SH3GL2: variants seen among roughly 807,000 people sequenced by gnomAD.
SH3GL2 encodes endophilin-A1.
In SH3GL2, 24 loss-of-function variants were observed where a neutral mutation model predicts 46.0. That is an observed-to-expected ratio of 0.52 (90% CI 0.38 to 0.73). The LOEUF is 0.73. Ranked by LOEUF, SH3GL2 falls within the 30% of genes least tolerant of loss-of-function variation. The pLI is 0.00. For missense variants in SH3GL2, 413 were observed against 424.2 expected (o/e 0.97, Z 0.23); for synonymous variants, 196 against 147.1 (o/e 1.33, Z -2.40).
intron 3 of SH3GL2, among the ~76,000 whole-genome samples, chr9:17,774,625 G>A (rs1438501519): frequency 1.3e-5 from 2 of 151,704 alleles, no homozygotes; most frequent in African/African-American, 4.8e-5. Flanking sequence ...CCATATGCTT[G>A]TATTTCAGGA....
intron 1 of SH3GL2, among the ~76,000 whole-genome samples, chr9:17,690,584 G>A (rs555170854): frequency 1.6e-4 from 25 of 152,212 alleles, no homozygotes; most frequent in Admixed American, 4.6e-4. Context: ...GGCCAGCTAA[G>A]CCCAAGACAG....
At chr9:17,793,951 T>A (rs1460260553) in intron 8 of SH3GL2, among the ~76,000 whole-genome samples, 2 of 152,236 alleles carry the variant, frequency 1.3e-5, no homozygotes, top group African/African-American at 2.4e-5. Flanking sequence ...TCCAGAAATG[T>A]GCTGATGAGC....
chr9:17,597,802 G>A (rs1477050096), intron 1 of SH3GL2, among the ~76,000 whole-genome samples: 3 of 152,054 alleles, frequency 2.0e-5, no homozygotes, highest in Admixed American at 6.5e-5. Flanking sequence ...GAGTTGCAAG[G>A]GCCTGCCTGA....
chr9:17,605,117 C>T (rs1035400004), intron 1 of SH3GL2, among the ~76,000 whole-genome samples: 2 of 151,862 alleles, frequency 1.3e-5, no homozygotes, highest in South Asian at 2.1e-4. Context: ...GGAATACAGG[C>T]ATTCACCACC....
intron 1 of SH3GL2, among the ~76,000 whole-genome samples, chr9:17,712,403 A>AT (rs1034781684): frequency 6.6e-6 from 1 of 151,744 alleles, no homozygotes; most frequent in African/African-American, 2.4e-5. Context: ...GTTTACAAAG[A>AT]TTTTTTCCTA....
intron 1 of SH3GL2, among the ~76,000 whole-genome samples, chr9:17,632,470 A>G (rs1390629381): frequency 1.3e-5 from 2 of 152,334 alleles, no homozygotes; most frequent in African/African-American, 2.4e-5. Context: ...TCAAAGCTAC[A>G]TATTGGGCTG....
At chr9:17,619,495 T>A (rs1819081428) in intron 1 of SH3GL2, among the ~76,000 whole-genome samples, 2 of 152,010 alleles carry the variant, frequency 1.3e-5, no homozygotes, top group Non-Finnish European at 2.9e-5. Flanking sequence ...CTGACCAATA[T>A]GATGACACCC....
chr9:17,796,602 T>C lies in SH3GL2; in HGVS notation c.*859T>C, dbSNP rs1824279409. The C allele has an allele frequency of 6.6e-6, 1 of 152,602 alleles. No individual in the cohort carries two copies. The highest frequency in any genetic ancestry group is 2.4e-5 in the African/African-American group (1 of 41,448). The allele number at this position is 152,602 out of a possible 1,614,324, so 9.5% of individuals were successfully genotyped here. Reference sequence around the variant, plus strand: ...CAGTTTTATTTGTGAATTACATGTTTCATGAATCCATTTGGCACAGAGACA... The same window carrying C: ...CAGTTTTATTTGTGAATTACATGTTCCATGAATCCATTTGGCACAGAGACA... On this transcript the variant is annotated 3_prime_UTR_variant, in exon 9 of 9. Transcript: ENST00000380607.
At chr9:17,737,152 T>C (rs1033579290) in intron 1 of SH3GL2, among the ~76,000 whole-genome samples, 32 of 151,644 alleles carry the variant, frequency 2.1e-4, no homozygotes. Context: ...AGTTGAACAA[T>C]GAGAACACAT....
intron 1 of SH3GL2, among the ~76,000 whole-genome samples, chr9:17,682,199 C>A (rs574875987): frequency 3.9e-5 from 6 of 152,126 alleles, no homozygotes; most frequent in Non-Finnish European, 7.3e-5. Flanking sequence ...ACCCAGCAAT[C>A]CCATTACTAG....
rs573912248 is a variant in SH3GL2 at position 17,585,993 on chromosome 9, T to C, written c.45+6706T>C. On this transcript the variant is annotated intron_variant, in intron 1 of 8. Coordinates refer to ENST00000380607, the MANE Select transcript of SH3GL2 (RefSeq NM_003026.5). ...TAAGAATGATGTACATGGTATCCGA[T>C]GGATAATAAAGACTAAAGAGAGCTA... Among the ~76,000 whole-genome samples, 113 of 152,294 alleles carry C rather than the reference T, an allele frequency of 7.4e-4. 1 individual carries two copies. The South Asian group carries it at 0.021, about 28-fold the overall frequency.
At chr9:17,714,666 C>G (rs1278381125) in intron 1 of SH3GL2, among the ~76,000 whole-genome samples, 1 of 151,616 alleles carries the variant, frequency 6.6e-6, no homozygotes. Flanking sequence ...CTCTCTTGGC[C>G]TTTATGTTAC....
chr9:17,617,243 T>A (rs1819024479), intron 1 of SH3GL2, among the ~76,000 whole-genome samples: 1 of 152,214 alleles, frequency 6.6e-6, no homozygotes, highest in Non-Finnish European at 1.5e-5. Flanking sequence ...TCCAGTTTGC[T>A]CCTTTGAACA....
chr9:17,720,120 C>G (rs946579667), intron 1 of SH3GL2, among the ~76,000 whole-genome samples: 2 of 151,976 alleles, frequency 1.3e-5, no homozygotes, highest in East Asian at 1.9e-4. Context: ...TTGCTTGATT[C>G]TCAAATTTTA....
At chr9:17,759,328 G>A (rs1823101561) in intron 2 of SH3GL2, among the ~76,000 whole-genome samples, 1 of 152,206 alleles carries the variant, frequency 6.6e-6, no homozygotes, top group South Asian at 2.1e-4. Context: ...ATATGGGATG[G>A]CAGGTACCTT....
At position 17,608,406 on chromosome 9, in the gene SH3GL2, A is replaced by G. The variant is rs576006147; in HGVS notation, c.45+29119A>G. Among the ~76,000 whole-genome samples the G allele has an allele frequency of 3.9e-4, 59 of 152,254 alleles. 1 individual carries two copies. Among genetic ancestry groups the G allele is most frequent in the Admixed American group, 9.8e-4 (15 of 15,296 alleles). On this transcript the variant is annotated intron_variant, in intron 1 of 8. Coordinates refer to ENST00000380607, the MANE Select transcript of SH3GL2 (RefSeq NM_003026.5). The stretch of plus-strand genomic sequence containing the variant: ...CGTGATCTGCCCGCCTTGGCCTCCC[A>G]AAGTGTAAACTTTCCTCTTAACGGT...
chr9:17,580,530 C>T (rs77961987), intron 1 of SH3GL2, among the ~76,000 whole-genome samples: 4 of 152,182 alleles, frequency 2.6e-5, no homozygotes, highest in African/African-American at 9.7e-5. Flanking sequence ...TTATACCTGT[C>T]AACTTAGGAA....
chr9:17,758,199 C>T (rs935744591), intron 2 of SH3GL2, among the ~76,000 whole-genome samples: 3 of 152,022 alleles, frequency 2.0e-5, no homozygotes, highest in East Asian at 1.9e-4. Flanking sequence ...TAAATTAAAG[C>T]GTTAAACAGA....
chr9:17,795,840 C>T lies in SH3GL2; in HGVS notation c.*97C>T, dbSNP rs527736359. On this transcript the variant is annotated 3_prime_UTR_variant, in exon 9 of 9. Coordinates refer to ENST00000380607, the MANE Select transcript of SH3GL2 (RefSeq NM_003026.5). ...CTTATAACACATCCCAAGTGCAGGC[C>T]GCAGTGGTCCACGTCATCCAGCCCC... 207 of 969,232 alleles carry T rather than the reference C, an allele frequency of 2.1e-4. 5 individuals are homozygous for T. In the South Asian group the frequency reaches 2.8e-3, roughly 13 times the overall value. 60.0% of individuals were successfully genotyped at this position (969,232 alleles called of 1,614,324 possible).
Sources: allele counts gnomAD v4.1 joint callset (sites outside exome capture counted in the v4.1 genomes callset), GRCh38; gene constraint gnomAD v4.1.1; transcripts MANE v1.5; gene names NCBI Gene and HGNC (gene_info 2026-07-23, HGNC 2026-07-21).